CLCN3: variants seen among roughly 807,000 people sequenced by gnomAD.
CLCN3 encodes Cl-/H+ antiporter 3, also known as H(+)/Cl(-) exchange transporter 3.
Under a neutral mutation model 83.4 loss-of-function variants are expected in CLCN3, and 16 were observed. The observed-to-expected ratio is 0.19, with a 90% CI of 0.13 to 0.29. The LOEUF (loss-of-function observed/expected upper bound fraction) is 0.29, where lower values mean the gene tolerates loss of function less well. CLCN3 is among the 10% of genes least tolerant of loss of function. The probability of loss-of-function intolerance (pLI) is 1.00; values close to 1 mark genes in which losing one functional copy is unlikely to be tolerated. For missense variants in CLCN3, 544 were observed against 1,006.0 expected, an observed-to-expected ratio of 0.54 and a Z score of 6.21; for synonymous variants, 322 against 346.2, an observed-to-expected ratio of 0.93 and a Z score of 0.78.
chr4:169,688,651 T>A (rs1350020560), intron 4 of CLCN3, among the ~76,000 whole-genome samples: 1 of 152,218 alleles, frequency 6.6e-6, no homozygotes, highest in Non-Finnish European at 1.5e-5. Context: ...TGAGTTTCAA[T>A]AATTATTTCT....
At chr4:169,651,030 G>A (rs556200056) in intron 2 of CLCN3, among the ~76,000 whole-genome samples, 17 of 152,232 alleles carry the variant, frequency 1.1e-4, no homozygotes, top group South Asian at 2.1e-4. Context: ...ATTAGCCTAA[G>A]ATGCCAGTGG....
At chr4:169,672,065 A>C (rs1357786316) in intron 2 of CLCN3, among the ~76,000 whole-genome samples, 6 of 151,798 alleles carry the variant, frequency 4.0e-5, no homozygotes, top group Admixed American at 3.3e-4. Flanking sequence ...AAAAAAAATT[A>C]GCCGGGCGTG....
intron 11 of CLCN3, among the ~76,000 whole-genome samples, chr4:169,709,095 T>G (rs933804365): frequency 1.8e-4 from 26 of 148,358 alleles, no homozygotes; most frequent in African/African-American, 6.4e-4. Flanking sequence ...AATATTAACA[T>G]AATTACATTA....
At chr4:169,701,752 GA>G (rs1363721397) in intron 9 of CLCN3, among the ~76,000 whole-genome samples, 1 of 152,156 alleles carries the variant, frequency 6.6e-6, no homozygotes, top group African/African-American at 2.4e-5. Flanking sequence ...AAATACACTT[GA>G]AAGAGGGCCA....
intron 9 of CLCN3, among the ~76,000 whole-genome samples, chr4:169,698,368 A>G (rs956827715): frequency 6.6e-6 from 1 of 152,048 alleles, no homozygotes; most frequent in Non-Finnish European, 1.5e-5. Flanking sequence ...GGGATCAATC[A>G]CGCATACTGT....
chr4:169,639,073 A>T (rs1332933088), intron 2 of CLCN3, among the ~76,000 whole-genome samples: 1 of 152,206 alleles, frequency 6.6e-6, no homozygotes, highest in African/African-American at 2.4e-5. Context: ...TCTTTTGCCT[A>T]GTCTGGAGTG....
In CLCN3 at chr4:169,697,392, C is replaced by T; in HGVS notation, c.1221C>T (p.Phe407=). ...TTGGAGGGCTTTGGGGAGCCTTTTT[C>T]ATTAGGGCAAATATTGCCTGGTGTC... ...GVFGGLWGAF[F]IRANIAWCRR... is the part of the protein sequence containing the mutation. The change falls in exon 9 of 13, where the codon TTC becomes TTT. Residue 407 remains phenylalanine (F), a synonymous_variant. Transcript: ENST00000513761. The T allele has an allele frequency of 6.2e-7, 1 of 1,613,732 alleles. No homozygotes were observed. Among genetic ancestry groups the T allele is most frequent in the Non-Finnish European group, 8.5e-7 (1 of 1,179,942 alleles).
At chr4:169,696,320 T>C (rs2150254755) in intron 8 of CLCN3, among the ~76,000 whole-genome samples, 1 of 152,332 alleles carries the variant, frequency 6.6e-6, no homozygotes, top group Middle Eastern at 3.4e-3. Flanking sequence ...GAAAATAATT[T>C]TAGTGACTTC....
chr4:169,700,999 G>T (rs1457017202), intron 9 of CLCN3, among the ~76,000 whole-genome samples: 2 of 152,148 alleles, frequency 1.3e-5, no homozygotes, highest in South Asian at 4.1e-4. Flanking sequence ...AGATAACAGT[G>T]AAATTTGCCG....
At chr4:169,642,485 C>CTTTGTTT (rs908686827) in intron 2 of CLCN3, among the ~76,000 whole-genome samples, 11 of 152,124 alleles carry the variant, frequency 7.2e-5, no homozygotes, top group East Asian at 5.8e-4. Context: ...TTTCACAGGG[C>CTTTGTTT]TTTGTTTTTT....
chr4:169,653,640 C>CAAA (rs70964215), intron 2 of CLCN3, among the ~76,000 whole-genome samples: 3,001 of 72,526 alleles, frequency 0.041, 304 homozygotes, highest in African/African-American at 0.16. Context: ...GACTCCGTCT[C>CAAA]AAAAAAAAAA....
intron 2 of CLCN3, among the ~76,000 whole-genome samples, chr4:169,650,145 A>T (rs2150211827): frequency 6.6e-6 from 1 of 152,266 alleles, no homozygotes; most frequent in Admixed American, 6.5e-5. Flanking sequence ...AGTGCTGATA[A>T]AACAGTTGAG....
At position 169,680,188 on chromosome 4, in the gene CLCN3, A is replaced by G; in HGVS notation, c.299A>G (p.Asp100Gly). ...TIDWVREKCK[D>G]RERHRRINSK... ...GATTGGGTGCGAGAAAAATGTAAAG[A>G]CAGAGAAAGGCATAGACGGGTAAGT... Residue 100 changes from aspartate to glycine, a missense_variant, in exon 3 of 13, where the codon GAC (aspartate) becomes GGC (glycine). Transcript: ENST00000513761. 2 of 1,613,838 alleles carry G rather than the reference A, an allele frequency of 1.2e-6. No individual in the cohort carries two copies. Among genetic ancestry groups the G allele is most frequent in the Non-Finnish European group, 1.7e-6 (2 of 1,179,812 alleles).
In CLCN3 at chr4:169,635,984, T is replaced by C; in HGVS notation, c.56T>C (p.Ile19Thr). The C allele has an allele frequency of 1.9e-6, 3 of 1,613,372 alleles. No homozygotes were observed. Among genetic ancestry groups the C allele is most frequent in the Non-Finnish European group, 2.5e-6 (3 of 1,179,600 alleles). ...TACTATAGAAACAGCTACAACAGTA[T>C]AACAAGTGCAAGTAGTGATGAGGAA... ...RGYYRNSYNS[I>T]TSASSDEELL... The change falls in exon 2 of 13, where the codon ATA (isoleucine) becomes ACA (threonine). Residue 19 changes from isoleucine (I) to threonine (T), a missense_variant. Around this residue, in one of 6 missense-constraint regions of CLCN3, gnomAD observed 77 missense variants for 92.8 expected, o/e 0.83. Transcript: ENST00000513761.
In CLCN3 at chr4:169,632,610, G is replaced by A. The variant is rs568544487; in HGVS notation, c.-16-3303G>A. 2.4e-4 allele frequency among the ~76,000 whole-genome samples: 36 copies of A among 151,698 alleles called. No individual in the cohort carries two copies. The South Asian group carries it at 7.6e-3, about 32-fold the overall frequency. On this transcript the variant is annotated intron_variant, in intron 1 of 12. Transcript: ENST00000513761. The stretch of plus-strand genomic sequence containing the variant: ...CGGGCGCCTGTAGTCCCAGGTACTC[G>A]GGAGGCTGAGGCAGAAGAATGGCCT...
intron 2 of CLCN3, among the ~76,000 whole-genome samples, chr4:169,671,841 C>T (rs1460554198): frequency 1.3e-5 from 2 of 152,152 alleles, no homozygotes; most frequent in Non-Finnish European, 2.9e-5. Context: ...AGCTCTACTA[C>T]TGTCTTCACA....
rs1407569821 is a variant in CLCN3 at position 169,628,647 on chromosome 4, C to A, written c.-16-7266C>A. 2.0e-5 allele frequency among the ~76,000 whole-genome samples: 3 copies of A among 152,140 alleles called. No individual in the cohort carries two copies. The East Asian group carries it at 5.8e-4, about 29-fold the overall frequency. ...GCTAAAATAAGAAATAGTGACAACA[C>A]CAAATGCTGGCAACGAGGTCAAGAA... On this transcript the variant is annotated intron_variant, in intron 1 of 12. Coordinates refer to ENST00000513761, the MANE Select transcript of CLCN3 (RefSeq NM_001829.4).
At chr4:169,711,331 A>G (rs17659801) in intron 11 of CLCN3, among the ~76,000 whole-genome samples, 17,002 of 152,188 alleles carry the variant, frequency 0.11, 1,046 homozygotes, top group East Asian at 0.17. Context: ...ATTTATGTCA[A>G]TTGCTAATGG....
At chr4:169,713,341 A>T (rs368719452) in intron 12 of CLCN3, 46 bp downstream of exon 12, 22 of 1,453,474 alleles carry the variant, frequency 1.5e-5, no homozygotes, top group Non-Finnish European at 2.0e-5. Flanking sequence ...AGAATATAGG[A>T]TCCTTTTTAG....
Sources: allele counts gnomAD v4.1 joint callset (sites outside exome capture counted in the v4.1 genomes callset), GRCh38; gene constraint gnomAD v4.1.1; regional missense constraint gnomAD v4.1.1; transcripts MANE v1.5; gene names NCBI Gene and HGNC (gene_info 2026-07-23, HGNC 2026-07-21).